The following METTL15 variants were observed in gnomAD, a reference collection of about 807,000 sequenced individuals.
METTL15 encodes the protein 12S rRNA N(4)-cytidine methyltransferase METTL15.
METTL15 carries 34 observed loss-of-function variants against 38.3 expected under a neutral mutation model. The observed-to-expected ratio is 0.89, with a 90% confidence interval of 0.68 to 1.18. METTL15 has a LOEUF of 1.18. Among genes scored for constraint, METTL15 ranks in the 50% most tolerant of loss-of-function variants. The pLI is 0.00. For missense variants in METTL15, 438 were observed against 498.4 expected, an observed-to-expected ratio of 0.88 and a Z score of 1.15; for synonymous variants, 162 against 170.9, an observed-to-expected ratio of 0.95 and a Z score of 0.41.
At chr11:28,319,725 G>A (rs1193816341) in intron 6 of METTL15, among the ~76,000 whole-genome samples, 1 of 152,142 alleles carries the variant, frequency 6.6e-6, no homozygotes, top group African/African-American at 2.4e-5. Context: ...CTGTGGAATG[G>A]TTATTAAAAT....
chr11:28,146,555 T>A (rs1171889800), intron 3 of METTL15, among the ~76,000 whole-genome samples: 1 of 151,986 alleles, frequency 6.6e-6, no homozygotes, highest in Non-Finnish European at 1.5e-5. Context: ...ATGTTGATTT[T>A]TATTTTTTAG....
chr11:28,222,835 A>G (rs2133867713), intron 4 of METTL15, among the ~76,000 whole-genome samples: 1 of 152,344 alleles, frequency 6.6e-6, no homozygotes, highest in South Asian at 2.1e-4. Flanking sequence ...GTAATATAGA[A>G]GATAGGAAAA....
intron 3 of METTL15, among the ~76,000 whole-genome samples, chr11:28,344,549 A>G (rs972607858): frequency 6.6e-6 from 1 of 152,170 alleles, no homozygotes; most frequent in Non-Finnish European, 1.5e-5. Flanking sequence ...CATTTCCCAC[A>G]TGTGACCCAG....
intron 5 of METTL15, among the ~76,000 whole-genome samples, chr11:28,410,110 G>C (rs1279081325): frequency 6.6e-6 from 1 of 152,126 alleles, no homozygotes; most frequent in Non-Finnish European, 1.5e-5. Flanking sequence ...TAAAGAGATT[G>C]AAGAGATAAC....
intron 4 of METTL15, among the ~76,000 whole-genome samples, chr11:28,215,435 C>T (rs1237605661): frequency 6.6e-6 from 1 of 151,636 alleles, no homozygotes; most frequent in Non-Finnish European, 1.5e-5. Flanking sequence ...TAGTGTGGCT[C>T]GCCTCTGAGG....
chr11:28,440,569 C>T (rs1851025524), intron 6 of METTL15, among the ~76,000 whole-genome samples: 1 of 152,166 alleles, frequency 6.6e-6, no homozygotes, highest in Non-Finnish European at 1.5e-5. Flanking sequence ...CTTATTAAGA[C>T]TATTTTTAAA....
chr11:28,223,493 A>G (rs965004134), intron 4 of METTL15, among the ~76,000 whole-genome samples: 7 of 152,124 alleles, frequency 4.6e-5, no homozygotes, highest in African/African-American at 1.4e-4. Context: ...TATTTATGTA[A>G]TTGCAACCTG....
chr11:28,377,353 C>T (rs12290657), intron 5 of METTL15, among the ~76,000 whole-genome samples: 2,691 of 152,030 alleles, frequency 0.018, 54 homozygotes, highest in African/African-American at 0.051. Context: ...GAGGCTTTGC[C>T]GTTTCCTTTT....
At chr11:28,421,371 G>A (rs1370698644) in intron 5 of METTL15, among the ~76,000 whole-genome samples, 2 of 151,928 alleles carry the variant, frequency 1.3e-5, no homozygotes, top group Non-Finnish European at 2.9e-5. Context: ...TATGAGGCCA[G>A]TATTACCCTG....
At chr11:28,513,352 G>A (rs1815304044) in intron 6 of METTL15, among the ~76,000 whole-genome samples, 1 of 152,174 alleles carries the variant, frequency 6.6e-6, no homozygotes, top group Non-Finnish European at 1.5e-5. Flanking sequence ...CCACTTACCG[G>A]CTGCAACGTC....
intron 6 of METTL15, among the ~76,000 whole-genome samples, chr11:28,524,032 T>C (rs1246025358): frequency 1.3e-5 from 2 of 152,184 alleles, no homozygotes. Context: ...GTGTCAATGG[T>C]GTTGGGGTTG....
At chr11:28,410,398 A>G (rs549414647) in intron 5 of METTL15, among the ~76,000 whole-genome samples, 1 of 152,160 alleles carries the variant, frequency 6.6e-6, no homozygotes, top group Non-Finnish European at 1.5e-5. Flanking sequence ...ACTGAATTCA[A>G]CAACACATCA....
chr11:28,409,989 T>C (rs1850710968), intron 5 of METTL15, among the ~76,000 whole-genome samples: 1 of 152,012 alleles, frequency 6.6e-6, no homozygotes, highest in African/African-American at 2.4e-5. Flanking sequence ...TATGAAAAAC[T>C]CTATGCAAAT....
intron 4 of METTL15, among the ~76,000 whole-genome samples, chr11:28,275,533 A>G (rs901718469): frequency 2.0e-5 from 3 of 151,880 alleles, no homozygotes; most frequent in Middle Eastern, 3.2e-3. Flanking sequence ...GCAAAGAAGT[A>G]CTAGTACAAA....
At chr11:28,329,799 G>A (rs1849754017) in intron 6 of METTL15, among the ~76,000 whole-genome samples, 1 of 151,978 alleles carries the variant, frequency 6.6e-6, no homozygotes, top group African/African-American at 2.4e-5. Flanking sequence ...ATTTTAAAAT[G>A]TCTTTGAACC....
intron 6 of METTL15, among the ~76,000 whole-genome samples, chr11:28,525,289 A>AT (rs1201453035): frequency 6.6e-6 from 1 of 152,122 alleles, no homozygotes; most frequent in Non-Finnish European, 1.5e-5. Context: ...TGATTGGTCC[A>AT]TTTTACAGAG....
At chr11:28,374,358 C>T (rs1396741219) in intron 5 of METTL15, among the ~76,000 whole-genome samples, 4 of 151,944 alleles carry the variant, frequency 2.6e-5, no homozygotes, top group South Asian at 2.1e-4. Flanking sequence ...CGGTTTGTAG[C>T]TCTCCTTGAA....
At chr11:28,359,179 G>A (rs1448636201) in intron 4 of METTL15, among the ~76,000 whole-genome samples, 1 of 152,190 alleles carries the variant, frequency 6.6e-6, no homozygotes, top group Admixed American at 6.5e-5. Flanking sequence ...GTGAGAACAT[G>A]TGGTGTTTGG....
At chr11:28,441,677 A>G (rs990862054) in intron 6 of METTL15, among the ~76,000 whole-genome samples, 4 of 152,094 alleles carry the variant, frequency 2.6e-5, no homozygotes, top group African/African-American at 9.7e-5. Flanking sequence ...CCATCACTTC[A>G]TTCCATTTGC....
Sources: allele counts gnomAD v4.1 joint callset (sites outside exome capture counted in the v4.1 genomes callset), GRCh38; gene constraint gnomAD v4.1.1; transcripts MANE v1.5; gene names NCBI Gene and HGNC (gene_info 2026-07-23, HGNC 2026-07-21).